Variants in MAP3K11 observed in about 807,000 individuals in gnomAD.
MAP3K11 encodes the protein SH3 domain-containing proline-rich kinase.
Under a neutral mutation model 84.9 loss-of-function variants are expected in MAP3K11, and 46 were observed. The observed-to-expected ratio is 0.54, with a 90% CI of 0.43 to 0.69. The LOEUF is 0.69. Among genes scored for constraint, MAP3K11 ranks in the 30% least tolerant of loss-of-function variants. MAP3K11 has a pLI of 0.00. For synonymous variants in MAP3K11, 527 were observed against 514.7 expected, an observed-to-expected ratio of 1.02 and a Z score of -0.32; for missense variants, 1,053 against 1,198.3, an observed-to-expected ratio of 0.88 and a Z score of 1.79.
rs944393950 is a variant in MAP3K11 at position 65,614,037 on chromosome 11, T to A, written c.-281A>T. The A allele has an allele frequency of 4.5e-6, 2 of 446,934 alleles. No homozygotes were observed. Among genetic ancestry groups the A allele is most frequent in the Admixed American group, 4.0e-5 (1 of 24,892 alleles). 27.7% of individuals were successfully genotyped at this position (446,934 alleles called of 1,614,324 possible). On this transcript the variant is annotated 5_prime_UTR_variant, in exon 1 of 10. Coordinates refer to ENST00000309100, the MANE Select transcript of MAP3K11 (RefSeq NM_002419.4). ...TGGCTAGCTTGGAGGGACCCGAGCT[T>A]CCCTCGGTTCTGGAGCAGTCCTGGG...
chr11:65,611,854 C>T (rs1440565076), intron 1 of MAP3K11: 1 of 152,234 alleles, frequency 6.6e-6, no homozygotes, highest in African/African-American at 2.4e-5. Context: ...TAGTTAGAGC[C>T]CAGGGTTGAG....
At chr11:65,602,713 G>A (rs138287989) in intron 8 of MAP3K11, among the ~76,000 whole-genome samples, 2,972 of 152,172 alleles carry the variant, frequency 0.02, 44 homozygotes, top group Middle Eastern at 0.037. Flanking sequence ...GAGGCTGAGG[G>A]AGAATTGCTT....
chr11:65,606,723 G>A lies in MAP3K11; in HGVS notation c.1571C>T (p.Ser524Leu). 1.2e-6 allele frequency: 2 copies of A among 1,601,832 alleles called. No homozygotes were observed. Among genetic ancestry groups the A allele is most frequent in the South Asian group, 2.3e-5 (2 of 88,588 alleles). The stretch of plus-strand genomic sequence containing the variant: ...GGCTCGGAACCGGGGAAAGGTGGGC[G>A]AATCCCCAGGCCCGACCTCGAAGAC... Reference protein sequence around the residue: ...RNVFEVGPGDSPTFPRFRAIQ... With the variant: ...RNVFEVGPGDLPTFPRFRAIQ... Residue 524 changes from serine (S) to leucine (L), a missense_variant, in exon 6 of 10, where the codon TCG (serine) becomes TTG (leucine). Ser to Leu is a moderately radical substitution (Grantham distance 145, BLOSUM62 -2). Around this residue, in one of 3 missense-constraint regions of MAP3K11, gnomAD observed 583 missense variants for 566.6 expected, o/e 1.03. Coordinates refer to ENST00000309100, the MANE Select transcript of MAP3K11 (RefSeq NM_002419.4).
At position 65,598,360 on chromosome 11, in the gene MAP3K11, G is replaced by A. The variant is rs746194211; in HGVS notation, c.2475C>T (p.Pro825=). ...CTTTGGTCTGTGCCCTGCAGTCCTG[G>A]GGGCCCCCCTGGAAGGGGTTGGCAG... ...SPPANPFQGG[P]QDCRAQTKDM... is the part of the protein sequence containing the mutation. The change falls in exon 10 of 10, where the codon CCC becomes CCT. Residue 825 remains proline, a synonymous_variant. Coordinates refer to ENST00000309100, the MANE Select transcript of MAP3K11 (RefSeq NM_002419.4). 5.2e-6 allele frequency: 8 copies of A among 1,539,572 alleles called. No homozygotes were observed. The South Asian group carries it at 1.0e-4, about 19-fold the overall frequency.
Position 65,613,612 on chromosome 11 carries a change from G to A in MAP3K11, c.145C>T (p.Leu49=), listed in dbSNP as rs752914916. ...AGYANPVWTA[L]FDYEPSGQDE... ...TGCCCACTGGGCTCGTAGTCGAACA[G>A]GGCTGTCCACACCGGGTTGGCATAA... The change falls in exon 1 of 10, where the codon CTG becomes TTG. Residue 49 remains leucine (L), a synonymous_variant. Coordinates refer to ENST00000309100, the MANE Select transcript of MAP3K11 (RefSeq NM_002419.4). The A allele has an allele frequency of 5.0e-6, 8 of 1,612,988 alleles. No individual in the cohort carries two copies. In the South Asian group the frequency reaches 5.5e-5, roughly 11 times the overall value.
chr11:65,598,389 G>A lies in MAP3K11; in HGVS notation c.2446C>T (p.Pro816Ser). 2 of 1,562,930 alleles carry A rather than the reference G, an allele frequency of 1.3e-6. No homozygotes were observed. Among genetic ancestry groups the A allele is most frequent in the South Asian group, 1.2e-5 (1 of 83,570 alleles). ...CCCCCCTGGAAGGGGTTGGCAGGTG[G>A]GGAGTCCCAGAAGGGGTCTGAGTCC... The part of the protein sequence containing the change: ...FPDSDPFWDS[P>S]PANPFQGGPQ... Residue 816 changes from proline to serine, a missense_variant, in exon 10 of 10, where the codon CCA becomes TCA. By Grantham distance (74) the Pro-to-Ser change is moderately conservative. Around this residue, in one of 3 missense-constraint regions of MAP3K11, gnomAD observed 583 missense variants for 566.6 expected, o/e 1.03. Coordinates refer to ENST00000309100, the MANE Select transcript of MAP3K11 (RefSeq NM_002419.4).
intron 5 of MAP3K11, 105 bp from the exon 6 acceptor site, chr11:65,606,909 G>T: frequency 1.4e-6 from 1 of 708,296 alleles, no homozygotes; most frequent in Non-Finnish European, 2.4e-6. Flanking sequence ...CATAGGGAGC[G>T]GCACGATGGC....
chr11:65,610,284 A>T (rs1854558681), intron 1 of MAP3K11: 1 of 152,202 alleles, frequency 6.6e-6, no homozygotes, highest in African/African-American at 2.4e-5. Flanking sequence ...CACTCCTCTG[A>T]GCCAGACCTT....
At chr11:65,602,460 A>C (rs1854466299) in intron 8 of MAP3K11, among the ~76,000 whole-genome samples, 1 of 152,164 alleles carries the variant, frequency 6.6e-6, no homozygotes, top group South Asian at 2.1e-4. Flanking sequence ...AGCCTGGTCA[A>C]CATGGTGAAA....
intron 2 of MAP3K11, 98 bp downstream of exon 2, chr11:65,608,170 G>A (rs561834235): frequency 2.5e-6 from 4 of 1,591,334 alleles, no homozygotes; most frequent in East Asian, 4.5e-5. Flanking sequence ...AGTGGTTTGG[G>A]TCCCTGTCCC....
chr11:65,613,317 C>A lies in MAP3K11; in HGVS notation c.440G>T (p.Arg147Leu). The A allele has an allele frequency of 6.2e-7, 1 of 1,613,132 alleles. No homozygotes were observed. The highest frequency in any genetic ancestry group is 8.5e-7 in the Non-Finnish European group (1 of 1,179,958). The change falls in exon 1 of 10, where the codon CGC (arginine) becomes CTC (leucine). Residue 147 changes from arginine to leucine, a missense_variant. Arg to Leu is a moderately radical substitution (Grantham distance 102). Around this residue, in one of 3 missense-constraint regions of MAP3K11, gnomAD observed 310 missense variants for 464.5 expected, o/e 0.67. Coordinates refer to ENST00000309100, the MANE Select transcript of MAP3K11 (RefSeq NM_002419.4). The part of the protein sequence containing the change: ...RGELVAVKAA[R>L]QDPDEDISVT... ...ACTGATGTCCTCATCGGGGTCCTGGCGAGCTGCCTTCACAGCCACCAGCTC... is the reference window on the plus strand; with the variant it reads ...ACTGATGTCCTCATCGGGGTCCTGGAGAGCTGCCTTCACAGCCACCAGCTC...
At position 65,598,007 on chromosome 11, in the gene MAP3K11, G is replaced by T; in HGVS notation, c.*284C>A. 1 of 350,478 alleles carries T rather than the reference G, an allele frequency of 2.9e-6. No individual in the cohort carries two copies. Among genetic ancestry groups the T allele is most frequent in the Non-Finnish European group, 5.1e-6 (1 of 194,744 alleles). 21.7% of individuals were successfully genotyped at this position (350,478 alleles called of 1,614,324 possible). Reference sequence around the variant, plus strand: ...CCCTCCTCCCTGCATCACCCCAGCAGGCAATTCCCTGAGACAGGCTCTGGT... The same window carrying T: ...CCCTCCTCCCTGCATCACCCCAGCATGCAATTCCCTGAGACAGGCTCTGGT... On this transcript the variant is annotated 3_prime_UTR_variant, in exon 10 of 10. Transcript: ENST00000309100.
intron 1 of MAP3K11, chr11:65,608,677 G>A: frequency 2.0e-6 from 1 of 497,186 alleles, no homozygotes; most frequent in Non-Finnish European, 3.6e-6. Flanking sequence ...GAGTGCAATG[G>A]CGTGATCTTG....
chr11:65,612,821 T>C (rs1256846298), intron 1 of MAP3K11, 197 bp downstream of exon 1: 2 of 484,884 alleles, frequency 4.1e-6, no homozygotes, highest in Non-Finnish European at 6.7e-6. Context: ...CTTCTGAAGC[T>C]GGCGCAGGAA....
In MAP3K11 at chr11:65,598,480, C is replaced by T. The variant is rs1296362460; in HGVS notation, c.2355G>A (p.Gly785=). ...GTGATGGCAGGGGAGAAGGCCGTGG[C>T]CCAGCTGACACAAAGCTCCAGGGAT... ...RIDPWSFVSA[G]PRPSPLPSPQ... is the part of the protein sequence containing the mutation. Residue 785 remains glycine (G), a synonymous_variant, in exon 10 of 10, where the codon GGG becomes GGA. Transcript: ENST00000309100. The T allele has an allele frequency of 6.2e-7, 1 of 1,613,526 alleles. No homozygotes were observed. Among genetic ancestry groups the T allele is most frequent in the Admixed American group, 1.7e-5 (1 of 59,988 alleles).
rs1251448517 is a variant in MAP3K11 at position 65,607,394 on chromosome 11, G to C, written c.1365C>G (p.Arg455=). The change falls in exon 5 of 10, where the codon CGC becomes CGG. Residue 455 remains arginine (R), a synonymous_variant. Coordinates refer to ENST00000309100, the MANE Select transcript of MAP3K11 (RefSeq NM_002419.4). ...CCTGCTGCAGCAGCAGCGTCAGCTC[G>C]CGCTCGAACACCTCTAGCTCCCACT... ...LAQWELEVFE[R]ELTLLLQQVD... The C allele has an allele frequency of 1.3e-6, 2 of 1,496,520 alleles. No homozygotes were observed. The highest frequency in any genetic ancestry group is 1.4e-5 in the African/African-American group (1 of 70,500). The allele number at this position is 1,496,520 out of a possible 1,614,324, so 92.7% of individuals were successfully genotyped here. A position where few individuals can be genotyped will look rare whatever the true frequency, so the allele number is the denominator to read the frequency against.
intron 1 of MAP3K11, chr11:65,612,041 G>C (rs893799136): frequency 6.6e-6 from 1 of 152,282 alleles, no homozygotes; most frequent in Non-Finnish European, 1.5e-5. Flanking sequence ...AAATATCCAC[G>C]TTGACCCCCC....
chr11:65,606,766 G>A lies in MAP3K11; in HGVS notation c.1528C>T (p.Leu510Phe). The change falls in exon 6 of 10, where the codon CTT becomes TTT. Residue 510 changes from leucine to phenylalanine, a missense_variant. By Grantham distance (22) the Leu-to-Phe change is conservative. Around this residue, in one of 3 missense-constraint regions of MAP3K11, gnomAD observed 583 missense variants for 566.6 expected, o/e 1.03. Coordinates refer to ENST00000309100, the MANE Select transcript of MAP3K11 (RefSeq NM_002419.4). ...HRITVQASPG[L>F]DRRRNVFEVG... is the part of the protein sequence containing the mutation. ...TCGAAGACGTTTCTCCTCCGGTCAA[G>A]GCCGGGTGAGGCCTGCACGGTGATG... 1 of 1,607,776 alleles carries A rather than the reference G, an allele frequency of 6.2e-7. No individual in the cohort carries two copies. Among genetic ancestry groups the A allele is most frequent in the Non-Finnish European group, 8.5e-7 (1 of 1,177,356 alleles).
At chr11:65,599,311 T>C in intron 9 of MAP3K11, 83 bp downstream of exon 9, 1 of 1,438,218 alleles carries the variant, frequency 7.0e-7, no homozygotes, top group Non-Finnish European at 9.1e-7. Context: ...CCTTGCCTCC[T>C]TGCATGTCCC....
Sources: allele counts gnomAD v4.1 joint callset (sites outside exome capture counted in the v4.1 genomes callset), GRCh38; gene constraint gnomAD v4.1.1; regional missense constraint gnomAD v4.1.1; transcripts MANE v1.5; gene names NCBI Gene and HGNC (gene_info 2026-07-23, HGNC 2026-07-21).